STK3: variants seen among roughly 807,000 people sequenced by gnomAD.
STK3 encodes serine/threonine-protein kinase 3.
A neutral mutation model predicts 58.0 loss-of-function variants in STK3; 41 were observed. The observed-to-expected ratio is 0.71, with a 90% CI of 0.55 to 0.92. The LOEUF (loss-of-function observed/expected upper bound fraction) is 0.92, where lower values mean the gene tolerates loss of function less well. Ranked by LOEUF, STK3 falls within the 40% of genes least tolerant of loss-of-function variation. STK3 has a pLI of 0.00. For synonymous variants in STK3, 170 were observed against 191.0 expected (o/e 0.89, Z 0.91); for missense variants, 479 against 602.7 (o/e 0.79, Z 2.15).
rs181287269 is a variant in STK3, at chr8:98,716,984, A to G, written c.352-9673T>C. ...GATATCCGTGTGCTAAAGAATAAGT[A>G]GAATCCTTACCTAGCACCATATACA... On this transcript the variant is annotated intron_variant, in intron 4 of 10. Transcript: ENST00000419617. Among the ~76,000 whole-genome samples, 1,033 of 152,278 alleles carry G rather than the reference A, an allele frequency of 6.8e-3. 8 individuals carry two copies. Among genetic ancestry groups the G allele is most frequent in the African/African-American group, 0.023 (969 of 41,564 alleles).
rs547630307 is a variant in STK3 at position 98,556,804 on chromosome 8, G to A, written c.949-8643C>T. Among the ~76,000 whole-genome samples, 73 of 152,146 alleles carry A rather than the reference G, an allele frequency of 4.8e-4. 1 individual carries two copies. In the Middle Eastern group the frequency reaches 0.01, roughly 21 times the overall value. The stretch of plus-strand genomic sequence containing the variant: ...AGCCTGTACTAAAAAGGGTCATATA[G>A]TAACAGAAATGACAAGCTGAATCTG... On this transcript the variant is annotated intron_variant, in intron 8 of 10. Transcript: ENST00000419617.
chr8:98,894,668 G>A (rs942162487), intron 1 of STK3, among the ~76,000 whole-genome samples: 9 of 152,196 alleles, frequency 5.9e-5, no homozygotes, highest in African/African-American at 1.9e-4. Flanking sequence ...TCTGTTCACA[G>A]ATATCATCCC....
intron 1 of STK3, among the ~76,000 whole-genome samples, chr8:98,449,294 C>T (rs73273979): frequency 0.014 from 2,085 of 152,262 alleles, 45 homozygotes; most frequent in African/African-American, 0.048. Context: ...ACACAGATTA[C>T]ACATGGTTGA....
chr8:98,543,313 C>A (rs1013958696), intron 9 of STK3, among the ~76,000 whole-genome samples: 1 of 152,032 alleles, frequency 6.6e-6, no homozygotes, highest in African/African-American at 2.4e-5. Flanking sequence ...GAGCTTTAGC[C>A]TATAAGCAAT....
intron 8 of STK3, among the ~76,000 whole-genome samples, chr8:98,564,215 G>A (rs34114299): frequency 0.27 from 41,699 of 151,922 alleles, 6,028 homozygotes; most frequent in East Asian, 0.41. Context: ...TCTACAAAAT[G>A]TCTAACCATT....
At chr8:98,424,783 T>C (rs578104474) in intron 3 of STK3, among the ~76,000 whole-genome samples, 2 of 152,256 alleles carry the variant, frequency 1.3e-5, no homozygotes, top group Admixed American at 1.3e-4. Flanking sequence ...AAAGGTGATT[T>C]ATGCACTGAG....
chr8:98,795,670 A>G (rs1358861599), intron 1 of STK3, among the ~76,000 whole-genome samples: 1 of 152,228 alleles, frequency 6.6e-6, no homozygotes, highest in African/African-American at 2.4e-5. Context: ...GGCTCCTGGA[A>G]CTGATAAACT....
At chr8:98,539,345 C>A (rs763692225) in intron 9 of STK3, among the ~76,000 whole-genome samples, 2 of 152,078 alleles carry the variant, frequency 1.3e-5, no homozygotes, top group African/African-American at 4.8e-5. Flanking sequence ...GCAAAGAATA[C>A]GGCATGGAAG....
intron 1 of STK3, among the ~76,000 whole-genome samples, chr8:98,923,267 T>C (rs888322492): frequency 1.3e-5 from 2 of 152,182 alleles, no homozygotes; most frequent in Non-Finnish European, 2.9e-5. Context: ...GGGATTGAGT[T>C]TGTGGGAGTT....
At chr8:98,609,384 A>C (rs905999583) in intron 6 of STK3, among the ~76,000 whole-genome samples, 25 of 152,340 alleles carry the variant, frequency 1.6e-4, no homozygotes, top group Admixed American at 9.8e-4. Flanking sequence ...TTAAGCCATG[A>C]AATTTTTATC....
intron 9 of STK3, among the ~76,000 whole-genome samples, chr8:98,529,286 G>C (rs568985223): frequency 7.3e-6 from 1 of 136,936 alleles, no homozygotes; most frequent in Non-Finnish European, 1.6e-5. Context: ...AAAAACAAAA[G>C]GGGGGGGGAC....
At chr8:98,679,561 T>C (rs1376980312) in intron 6 of STK3, among the ~76,000 whole-genome samples, 1 of 152,206 alleles carries the variant, frequency 6.6e-6, no homozygotes, top group Non-Finnish European at 1.5e-5. Flanking sequence ...TCTCCCTCCC[T>C]CAGTAGAATA....
At chr8:98,793,838 C>T (rs1161707652) in intron 1 of STK3, among the ~76,000 whole-genome samples, 1 of 151,550 alleles carries the variant, frequency 6.6e-6, no homozygotes, top group Non-Finnish European at 1.5e-5. Flanking sequence ...CAAAATCATA[C>T]CAACCATACT....
intron 1 of STK3, chr8:98,905,727 C>G (rs1838871790): frequency 3.5e-6 from 2 of 564,192 alleles, no homozygotes; most frequent in South Asian, 3.8e-5. Context: ...CAGAGAGAAC[C>G]CTACAAAATC....
intron 1 of STK3, among the ~76,000 whole-genome samples, chr8:98,815,686 T>A (rs894659824): frequency 6.6e-6 from 1 of 152,062 alleles, no homozygotes; most frequent in Non-Finnish European, 1.5e-5. Context: ...GAAAAAAAAA[T>A]GGCCACCTTT....
chr8:98,632,684 A>T (rs762620387), intron 6 of STK3, among the ~76,000 whole-genome samples: 1 of 152,210 alleles, frequency 6.6e-6, no homozygotes, highest in Non-Finnish European at 1.5e-5. Context: ...GCACTAAAAA[A>T]ATATGCATTA....
intron 10 of STK3, among the ~76,000 whole-genome samples, chr8:98,508,089 A>G (rs1012134859): frequency 6.6e-6 from 1 of 152,060 alleles, no homozygotes; most frequent in African/African-American, 2.4e-5. Context: ...TGTCTGGTTT[A>G]TTTGTTGCTA....
At chr8:98,928,380 A>G (rs1022949841) in intron 1 of STK3, among the ~76,000 whole-genome samples, 3 of 152,270 alleles carry the variant, frequency 2.0e-5, no homozygotes, top group Non-Finnish European at 4.4e-5. Flanking sequence ...GATCACAAAA[A>G]GGCCACACCC....
At chr8:98,346,636 C>T in the STK3 span, among the ~76,000 whole-genome samples, 1 of 151,810 alleles carries the variant, frequency 6.6e-6, no homozygotes, top group African/African-American at 2.4e-5. Flanking sequence ...ATAAGGATAA[C>T]AGCAGATTTC....
Sources: allele counts gnomAD v4.1 joint callset (sites outside exome capture counted in the v4.1 genomes callset), GRCh38; gene constraint gnomAD v4.1.1; transcripts MANE v1.5; gene names NCBI Gene and HGNC (gene_info 2026-07-23, HGNC 2026-07-21).